KCNIP4: variants seen among roughly 807,000 people sequenced by gnomAD.
The protein encoded by KCNIP4 is Kv channel-interacting protein 4.
KCNIP4 carries 12 observed loss-of-function variants against 34.0 expected under a neutral mutation model. The observed-to-expected ratio is 0.35, with a 90% CI of 0.23 to 0.57. The LOEUF (loss-of-function observed/expected upper bound fraction) is 0.57. Among genes scored for constraint, KCNIP4 ranks in the 20% least tolerant of loss-of-function variants. KCNIP4 has a pLI of 0.83. For synonymous variants in KCNIP4, 124 were observed against 102.2 expected (o/e 1.21, Z -1.29); for missense variants, 238 against 311.7 (o/e 0.76, Z 1.78).
chr4:21,185,896 C>G (rs1755190102), intron 1 of KCNIP4, among the ~76,000 whole-genome samples: 1 of 152,140 alleles, frequency 6.6e-6, no homozygotes, highest in Non-Finnish European at 1.5e-5. Context: ...TTTTTCCCTC[C>G]CTGTCTTAAC....
At chr4:20,872,829 G>GA (rs1424469434) in intron 2 of KCNIP4, among the ~76,000 whole-genome samples, 3 of 151,960 alleles carry the variant, frequency 2.0e-5, no homozygotes. Flanking sequence ...TAGGTAACCT[G>GA]AAAAAAACAA....
chr4:20,945,873 G>A (rs936321933), intron 1 of KCNIP4, among the ~76,000 whole-genome samples: 1 of 152,198 alleles, frequency 6.6e-6, no homozygotes, highest in African/African-American at 2.4e-5. Flanking sequence ...GGTTAGAGGT[G>A]AGCAGCCCTT....
intron 1 of KCNIP4, among the ~76,000 whole-genome samples, chr4:21,690,053 G>T (rs1373686361): frequency 6.7e-6 from 1 of 149,816 alleles, no homozygotes; most frequent in Admixed American, 6.7e-5. Flanking sequence ...GCTAAAAACT[G>T]ATTTGTTGGT....
At chr4:21,249,427 T>C (rs1480112101) in intron 1 of KCNIP4, among the ~76,000 whole-genome samples, 1 of 152,098 alleles carries the variant, frequency 6.6e-6, no homozygotes, top group Non-Finnish European at 1.5e-5. Flanking sequence ...AAGGTTCTCT[T>C]CCTCTAACCT....
At chr4:21,793,385 G>A (rs894584828) in intron 1 of KCNIP4, among the ~76,000 whole-genome samples, 2 of 152,028 alleles carry the variant, frequency 1.3e-5, no homozygotes, top group Non-Finnish European at 2.9e-5. Flanking sequence ...AGCCACCCCA[G>A]TAGCTGGGAT....
intron 1 of KCNIP4, among the ~76,000 whole-genome samples, chr4:21,032,229 G>A (rs745984344): frequency 2.6e-5 from 4 of 152,072 alleles, no homozygotes; most frequent in African/African-American, 7.2e-5. Context: ...ACATGAGCCC[G>A]GATGGCTTCT....
intron 1 of KCNIP4, among the ~76,000 whole-genome samples, chr4:21,090,024 C>T (rs1466681895): frequency 6.6e-6 from 1 of 152,074 alleles, no homozygotes; most frequent in East Asian, 1.9e-4. Context: ...CCTTCTGCTC[C>T]TTTTCATTTT....
At chr4:21,505,391 C>T (rs370157503) in intron 1 of KCNIP4, among the ~76,000 whole-genome samples, 5 of 152,182 alleles carry the variant, frequency 3.3e-5, no homozygotes, top group African/African-American at 1.2e-4. Context: ...TTGTGACAGT[C>T]CCATTAGACA....
chr4:21,384,391 A>C (rs1488703019), intron 1 of KCNIP4, among the ~76,000 whole-genome samples: 1 of 152,228 alleles, frequency 6.6e-6, no homozygotes, highest in African/African-American at 2.4e-5. Flanking sequence ...TTAAATAAGT[A>C]TGTGTTGAAT....
intron 1 of KCNIP4, among the ~76,000 whole-genome samples, chr4:21,903,324 T>A (rs532408907): frequency 1.3e-5 from 2 of 152,240 alleles, no homozygotes; most frequent in South Asian, 4.1e-4. Context: ...ATAGGAATGA[T>A]AAATAACAAA....
At chr4:21,705,308 G>C (rs957004946) in intron 1 of KCNIP4, among the ~76,000 whole-genome samples, 1 of 152,058 alleles carries the variant, frequency 6.6e-6, no homozygotes, top group Non-Finnish European at 1.5e-5. Flanking sequence ...ATCAATGTTG[G>C]TATCTGAGTT....
intron 2 of KCNIP4, among the ~76,000 whole-genome samples, chr4:20,856,911 T>C (rs1298863718): frequency 6.6e-6 from 1 of 152,146 alleles, no homozygotes; most frequent in Non-Finnish European, 1.5e-5. Context: ...GGCCTTTGTA[T>C]CGGGCAGCAA....
chr4:21,071,560 A>G (rs754979045), intron 1 of KCNIP4, among the ~76,000 whole-genome samples: 2 of 152,198 alleles, frequency 1.3e-5, no homozygotes, highest in Non-Finnish European at 2.9e-5. Flanking sequence ...CTATTGTAGT[A>G]TACTTGGCTG....
intron 1 of KCNIP4, among the ~76,000 whole-genome samples, chr4:21,907,368 G>A (rs1728063041): frequency 6.6e-6 from 1 of 152,190 alleles, no homozygotes; most frequent in South Asian, 2.1e-4. Context: ...GAGGCAGTAC[G>A]AAAGCCTTCA....
rs148751489 is a variant in KCNIP4 at position 21,535,309 on chromosome 4, T to C, written c.61+413262A>G. Among the ~76,000 whole-genome samples the C allele has an allele frequency of 4.4e-3, 664 of 152,280 alleles. 10 individuals carry two copies. Among genetic ancestry groups the C allele is most frequent in the African/African-American group, 0.015 (625 of 41,560 alleles). On this transcript the variant is annotated intron_variant, in intron 1 of 8. Transcript: ENST00000382152. Reference sequence around the variant, plus strand: ...ATAGAAAAGTCTACTCAGAAGGCTTTATTTTTGAGGACTTGGAGAGAGTTA... The same window carrying C: ...ATAGAAAAGTCTACTCAGAAGGCTTCATTTTTGAGGACTTGGAGAGAGTTA...
At chr4:21,084,516 T>C (rs1197893604) in intron 1 of KCNIP4, among the ~76,000 whole-genome samples, 1 of 148,626 alleles carries the variant, frequency 6.7e-6, no homozygotes, top group African/African-American at 2.5e-5. Context: ...ACTGGGTGCT[T>C]CTCAGTGTGT....
At chr4:20,997,094 A>C (rs1351172353) in intron 1 of KCNIP4, among the ~76,000 whole-genome samples, 1 of 152,192 alleles carries the variant, frequency 6.6e-6, no homozygotes, top group African/African-American at 2.4e-5. Context: ...AAGACCTGCA[A>C]ATATCTATAA....
At chr4:21,354,929 A>G (rs1718415040) in intron 1 of KCNIP4, among the ~76,000 whole-genome samples, 1 of 152,198 alleles carries the variant, frequency 6.6e-6, no homozygotes, top group South Asian at 2.1e-4. Flanking sequence ...GTAAAAGAAC[A>G]GAAATCATAA....
chr4:21,082,805 C>G (rs182555362), intron 1 of KCNIP4, among the ~76,000 whole-genome samples: 108 of 151,852 alleles, frequency 7.1e-4, no homozygotes, highest in Non-Finnish European at 1.0e-3. Flanking sequence ...GTACTTAATA[C>G]TTTTGAGGAA....
Sources: allele counts gnomAD v4.1 joint callset (sites outside exome capture counted in the v4.1 genomes callset), GRCh38; gene constraint gnomAD v4.1.1; transcripts MANE v1.5; gene names NCBI Gene and HGNC (gene_info 2026-07-23, HGNC 2026-07-21).